The following CUX2 variants were observed in gnomAD, a reference collection of about 807,000 sequenced individuals.
CUX2 encodes cut like homeobox 2, also known as homeobox protein cut-like 2.
A neutral mutation model predicts 144.8 loss-of-function variants in CUX2; 40 were observed. The observed-to-expected ratio is 0.28, with a 90% CI of 0.21 to 0.36. CUX2 has a LOEUF of 0.36. CUX2 is among the 10% of genes least tolerant of loss of function. The pLI, the probability that CUX2 is intolerant of heterozygous loss-of-function variation, is 1.00. For synonymous variants in CUX2, 827 were observed against 875.6 expected (o/e 0.94, Z 0.98); for missense variants, 1,615 against 1,994.0 (o/e 0.81, Z 3.62).
At chr12:111,036,284 C>T (rs923445518) in intron 1 of CUX2, among the ~76,000 whole-genome samples, 1 of 152,286 alleles carries the variant, frequency 6.6e-6, no homozygotes, top group African/African-American at 2.4e-5. Context: ...TTAGATAACT[C>T]GTTTTCAATC....
At chr12:111,131,199 G>A (rs944383271) in intron 1 of CUX2, among the ~76,000 whole-genome samples, 5 of 152,192 alleles carry the variant, frequency 3.3e-5, no homozygotes, top group Middle Eastern at 3.4e-3. Context: ...ACATGGTGGT[G>A]GCAAGAGAAA....
chr12:111,215,799 T>C (rs1368671209), intron 2 of CUX2, among the ~76,000 whole-genome samples: 2 of 152,158 alleles, frequency 1.3e-5, no homozygotes, highest in Non-Finnish European at 2.9e-5. Flanking sequence ...CTCATCTTCC[T>C]TCTAGCCCAA....
At position 111,347,923 on chromosome 12, in the gene CUX2, A is replaced by G. The variant is rs763389196; in HGVS notation, c.4059A>G (p.Gly1353=). The change falls in exon 22 of 22, where the codon GGA becomes GGG. Residue 1353 remains glycine (G), a synonymous_variant. Transcript: ENST00000261726. ...CTCCCGGGCCCCTCCTTCCAGGTGG[A>G]TCCACCCCAGACTGTCCCTCACTTC... ...KVAPGPLLPG[G]STPDCPSLHP... is the part of the protein sequence containing the mutation. 6.2e-7 allele frequency: 1 copy of G among 1,613,910 alleles called. No homozygotes were observed. Among genetic ancestry groups the G allele is most frequent in the African/African-American group, 1.3e-5 (1 of 74,904 alleles).
intron 1 of CUX2, among the ~76,000 whole-genome samples, chr12:111,117,297 T>C (rs539304167): frequency 6.6e-6 from 1 of 152,294 alleles, no homozygotes; most frequent in South Asian, 2.1e-4. Context: ...ATGTCCATCA[T>C]ATATGGGCAG....
chr12:111,112,407 A>G (rs1874030894), intron 1 of CUX2, among the ~76,000 whole-genome samples: 1 of 152,218 alleles, frequency 6.6e-6, no homozygotes, highest in Non-Finnish European at 1.5e-5. Context: ...TGTTTGCTGC[A>G]TTAATTGCAT....
chr12:111,087,699 G>A (rs142140037), intron 1 of CUX2, among the ~76,000 whole-genome samples: 1 of 152,302 alleles, frequency 6.6e-6, no homozygotes, highest in East Asian at 1.9e-4. Flanking sequence ...TTTGTGTGCT[G>A]TCTCCTCAGT....
In CUX2 at chr12:111,289,438, G is replaced by C. The variant is rs1479041266; in HGVS notation, c.302-1980G>C. 6.6e-6 allele frequency among the ~76,000 whole-genome samples: 1 copy of C among 152,156 alleles called. No homozygotes were observed. Among genetic ancestry groups the C allele is most frequent in the African/African-American group, 2.4e-5 (1 of 41,418 alleles). On this transcript the variant is annotated intron_variant, in intron 4 of 21. Coordinates refer to ENST00000261726, the MANE Select transcript of CUX2 (RefSeq NM_015267.4). This position sits in a 1 kb window ranked among gnomAD's most constrained non-coding sequence, Gnocchi z 4.1. ...GCCTTGGATCCAAGCCAGCCTCCAG[G>C]GGATGCCGTGAGGATGCTGGGAAGC...
chr12:111,121,944 A>G (rs1874722649), intron 1 of CUX2, among the ~76,000 whole-genome samples: 3 of 151,908 alleles, frequency 2.0e-5, no homozygotes, highest in Non-Finnish European at 4.4e-5. Flanking sequence ...CGAGTTCTCA[A>G]AAACAAATCA....
At chr12:111,089,560 G>A (rs1258152194) in intron 1 of CUX2, among the ~76,000 whole-genome samples, 1 of 152,164 alleles carries the variant, frequency 6.6e-6, no homozygotes, top group Non-Finnish European at 1.5e-5. Context: ...GTTCTGCTAG[G>A]CTGTTGGTTT....
At chr12:111,271,514 C>G (rs891969243) in intron 4 of CUX2, among the ~76,000 whole-genome samples, 1 of 152,190 alleles carries the variant, frequency 6.6e-6, no homozygotes, top group African/African-American at 2.4e-5. Flanking sequence ...TTGTAATTTA[C>G]CTAACCCCTC....
chr12:111,225,180 A>G (rs11065832), intron 3 of CUX2, among the ~76,000 whole-genome samples: 51,689 of 152,100 alleles, frequency 0.34, 11,924 homozygotes, highest in East Asian at 0.65. Context: ...GGGAGTCCTC[A>G]ATGAGTTGAT....
chr12:111,124,731 C>G (rs1248585859), intron 1 of CUX2, among the ~76,000 whole-genome samples: 6 of 152,110 alleles, frequency 3.9e-5, no homozygotes, highest in Admixed American at 3.9e-4. Flanking sequence ...AGGTACAAAT[C>G]CCATCACCCA....
intron 4 of CUX2, among the ~76,000 whole-genome samples, chr12:111,269,108 C>T (rs555734073): frequency 2.0e-5 from 3 of 152,186 alleles, no homozygotes; most frequent in Non-Finnish European, 2.9e-5. Flanking sequence ...CTGCCTCGTG[C>T]TGTTATTTGG....
chr12:111,205,783 A>G (rs1880885119), intron 1 of CUX2, among the ~76,000 whole-genome samples: 1 of 152,208 alleles, frequency 6.6e-6, no homozygotes, highest in African/African-American at 2.4e-5. Context: ...CCAACGTTTG[A>G]ACCCAGGTCA....
chr12:111,291,635 C>T (rs768699590), intron 5 of CUX2, 83 bp downstream of exon 5: 166 of 1,421,892 alleles, frequency 1.2e-4, no homozygotes, highest in Non-Finnish European at 1.5e-4. Context: ...AGCCTTGTTG[C>T]GGGGTGGCTG....
intron 1 of CUX2, among the ~76,000 whole-genome samples, chr12:111,060,580 C>T (rs1254487561): frequency 1.3e-5 from 2 of 152,232 alleles, no homozygotes; most frequent in Non-Finnish European, 2.9e-5. Flanking sequence ...ATATTAGAGG[C>T]TCAATAAATG....
chr12:111,127,281 TG>T (rs1321177456), intron 1 of CUX2, among the ~76,000 whole-genome samples: 1 of 152,256 alleles, frequency 6.6e-6, no homozygotes, highest in African/African-American at 2.4e-5. Context: ...GTTCTTTACC[TG>T]GGCAAGTGAC....
intron 1 of CUX2, among the ~76,000 whole-genome samples, chr12:111,156,434 G>T (rs575956572): frequency 6.6e-6 from 1 of 152,236 alleles, no homozygotes; most frequent in African/African-American, 2.4e-5. Context: ...CAGAATGTTT[G>T]ATTTTCTAGA....
intron 1 of CUX2, among the ~76,000 whole-genome samples, chr12:111,084,309 C>T (rs1406016564): frequency 2.0e-5 from 3 of 152,180 alleles, no homozygotes; most frequent in Admixed American, 1.3e-4. Context: ...CAAGTACCAT[C>T]TGTTTCTAGG....
Sources: allele counts gnomAD v4.1 joint callset (sites outside exome capture counted in the v4.1 genomes callset), GRCh38; gene constraint gnomAD v4.1.1; non-coding constraint Gnocchi (gnomAD v3.1); transcripts MANE v1.5; gene names NCBI Gene and HGNC (gene_info 2026-07-23, HGNC 2026-07-21).